The following SNAPC4 variants were observed in gnomAD, a reference collection of about 807,000 sequenced individuals.
SNAPC4 encodes snRNA-activating protein complex subunit 4.
In SNAPC4, 127 loss-of-function variants were observed where a neutral mutation model predicts 151.3. That is an observed-to-expected ratio of 0.84 (90% confidence interval 0.73 to 0.97). The LOEUF is 0.97. Among genes scored for constraint, SNAPC4 ranks in the 50% least tolerant of loss-of-function variants. The pLI is 0.00. For missense variants in SNAPC4, 2,186 were observed against 1,935.0 expected (o/e 1.13, Z -2.43); for synonymous variants, 1,002 against 824.4 (o/e 1.22, Z -3.69).
At chr9:136,380,931 G>A in intron 19 of SNAPC4, 81 bp from the exon 20 acceptor site, 1 of 823,948 alleles carries the variant, frequency 1.2e-6, no homozygotes, top group South Asian at 1.5e-5. Context: ...CAGAACCTGG[G>A]GCAGCCCTGA....
intron 13 of SNAPC4, 119 bp from the exon 14 acceptor site, chr9:136,384,933 A>G (rs1478798388): frequency 1.8e-6 from 1 of 559,442 alleles, no homozygotes; most frequent in African/African-American, 1.9e-5. Context: ...ACAAAAGAAA[A>G]CTACAGATAA....
In SNAPC4 at chr9:136,383,729, C is replaced by T; in HGVS notation, c.1501-61G>A. On this transcript the variant is annotated intron_variant, in intron 15 of 23. Coordinates refer to ENST00000684778, the MANE Select transcript of SNAPC4 (RefSeq NM_003086.4). This position sits in a 1 kb window ranked among gnomAD's most constrained non-coding sequence, Gnocchi z 4.2. ...AAGCCCGGTTCACCCATGATGGCAG[C>T]AAGCAGGCCAGCCCTTTGGGGAGAG... is the stretch of plus-strand genomic sequence containing the variant. The T allele has an allele frequency of 6.4e-7, 1 of 1,553,988 alleles. No homozygotes were observed. Among genetic ancestry groups the T allele is most frequent in the South Asian group, 1.2e-5 (1 of 81,644 alleles).
chr9:136,395,452 C>T (rs11145873), intron 4 of SNAPC4, 29 bp from the exon 5 acceptor site: 2 of 1,605,868 alleles, frequency 1.2e-6, no homozygotes, highest in South Asian at 1.1e-5. Flanking sequence ...AGGGACCCCT[C>T]TATGGACCAG....
chr9:136,396,854 C>A lies in SNAPC4; in HGVS notation c.177+123G>T. On this transcript the variant is annotated intron_variant, in intron 3 of 23. Transcript: ENST00000684778. Reference sequence around the variant, plus strand: ...TGCTTTTTAATTTTTTTATAACAAACGTGAATCATTTTTATAATGCAGAAA... The same window carrying A: ...TGCTTTTTAATTTTTTTATAACAAAAGTGAATCATTTTTATAATGCAGAAA... The A allele has an allele frequency of 1.4e-5, 11 of 782,762 alleles. No individual in the cohort carries two copies. The South Asian group carries it at 1.6e-4, about 11-fold the overall frequency. 48.5% of individuals were successfully genotyped at this position (782,762 alleles called of 1,614,324 possible).
At chr9:136,396,391 G>A (rs939471457) in intron 3 of SNAPC4, among the ~76,000 whole-genome samples, 13 of 152,368 alleles carry the variant, frequency 8.5e-5, no homozygotes, top group South Asian at 2.1e-4. Flanking sequence ...TCACAGAGCA[G>A]TTGCCAGGTG....
At chr9:136,392,813 C>T (rs993979291) in intron 7 of SNAPC4, 36 bp from the exon 8 acceptor site, 6 of 1,572,678 alleles carry the variant, frequency 3.8e-6, no homozygotes, top group African/African-American at 1.3e-5. Flanking sequence ...GGCTGGGGCA[C>T]GAGGGCTGCG....
At chr9:136,387,038 C>T (rs749426787) in intron 13 of SNAPC4, among the ~76,000 whole-genome samples, 1 of 152,238 alleles carries the variant, frequency 6.6e-6, no homozygotes, top group African/African-American at 2.4e-5. Flanking sequence ...AGCCACTGCG[C>T]CCAGCTTCGG....
chr9:136,394,757 G>T, intron 6 of SNAPC4, 43 bp downstream of exon 6: 1 of 1,568,632 alleles, frequency 6.4e-7, no homozygotes, highest in Non-Finnish European at 8.8e-7. Context: ...ATGGGGAGGT[G>T]TCCCAAGCTC....
chr9:136,381,776 C>A (rs1363099356), intron 18 of SNAPC4, 48 bp downstream of exon 18: 1 of 1,577,460 alleles, frequency 6.3e-7, no homozygotes, highest in South Asian at 1.2e-5. Context: ...TACTCTTCAT[C>A]CTCACCCCTC....
intron 7 of SNAPC4, 75 bp from the exon 8 acceptor site, chr9:136,392,852 G>T (rs1166545801): frequency 2.5e-6 from 3 of 1,194,088 alleles, no homozygotes; most frequent in East Asian, 2.4e-5. Flanking sequence ...GCACATTACA[G>T]GGCAAGGAGT....
chr9:136,382,045 G>A lies in SNAPC4; in HGVS notation c.2096C>T (p.Pro699Leu). ...AGAGCTGACCCCTGGGGATGAGGTG[G>A]GCAGGGGTGGCTGCCTCAGCTGCTC... is the stretch of plus-strand genomic sequence containing the variant. Reference protein sequence around the residue: ...QKEQLRQPPLPTSSPGVSSGD... With the variant: ...QKEQLRQPPLLTSSPGVSSGD... The change falls in exon 18 of 24, where the codon CCC becomes CTC. Residue 699 changes from proline (P) to leucine (L), a missense_variant. Pro to Leu is a moderately conservative substitution (Grantham distance 98). Transcript: ENST00000684778. 1 of 1,598,336 alleles carries A rather than the reference G, an allele frequency of 6.3e-7. No homozygotes were observed. Among genetic ancestry groups the A allele is most frequent in the Non-Finnish European group, 8.5e-7 (1 of 1,173,192 alleles).
rs368475038 is a variant in SNAPC4 at position 136,377,878 on chromosome 9, G to A, written c.3949C>T (p.Leu1317Phe). ...ALCSLRALSG[L>F]LLHKKALEHK... Reference sequence around the variant, plus strand: ...TCCAGGGCCTTCTTGTGGAGTAGGAGACCGGACAGAGCTCGCAGGCTGCAC... The same window carrying A: ...TCCAGGGCCTTCTTGTGGAGTAGGAAACCGGACAGAGCTCGCAGGCTGCAC... The change falls in exon 22 of 24, where the codon CTC (leucine) becomes TTC (phenylalanine). Residue 1317 changes from leucine (L) to phenylalanine (F), a missense_variant. Coordinates refer to ENST00000684778, the MANE Select transcript of SNAPC4 (RefSeq NM_003086.4). The A allele has an allele frequency of 1.2e-6, 2 of 1,611,494 alleles. No individual in the cohort carries two copies. Among genetic ancestry groups the A allele is most frequent in the Non-Finnish European group, 8.5e-7 (1 of 1,179,820 alleles).
In SNAPC4 at chr9:136,376,466, C is replaced by T. The variant is rs143073169; in HGVS notation, c.4300G>A (p.Gly1434Ser). The T allele has an allele frequency of 1.2e-6, 2 of 1,613,142 alleles. No homozygotes were observed. The highest frequency in any genetic ancestry group is 2.7e-5 in the African/African-American group (2 of 74,930). Residue 1434 changes from glycine (G) to serine (S), a missense_variant, in exon 23 of 24, where the codon GGT becomes AGT. Physicochemically the swap from Gly to Ser is moderately conservative, Grantham distance 56. Coordinates refer to ENST00000684778, the MANE Select transcript of SNAPC4 (RefSeq NM_003086.4). ...TCPIQGAPDS[G>S]KCSASSCLDT... ...AGGCAGGAGGAAGCAGAGCATTTAC[C>T]AGAGTCTGGGGCTCCCTGAAAGAAA...
At position 136,388,493 on chromosome 9, in the gene SNAPC4, C is replaced by T. The variant is rs780986457; in HGVS notation, c.1074G>A (p.Thr358=). The T allele has an allele frequency of 1.3e-5, 21 of 1,612,496 alleles. No individual in the cohort carries two copies. The South Asian group carries it at 1.3e-4, about 10-fold the overall frequency. ...CGACGCGCATCTCCTGCACCAGCTG[C>T]GTGAGCATGCGGTCCTCCTCCTCTG... The part of the protein sequence containing the change: ...EWTEEEDRML[T]QLVQEMRVGS... The change falls in exon 11 of 24, where the codon ACG becomes ACA. Residue 358 remains threonine, a synonymous_variant. Coordinates refer to ENST00000684778, the MANE Select transcript of SNAPC4 (RefSeq NM_003086.4).
chr9:136,383,496 GCT>G lies in SNAPC4; in HGVS notation c.1671_1672del (p.Arg557SerfsTer152), dbSNP rs754965792. ...GACCATGTACTGTGGGGACAGCAGC[GCT>G]CTGTCACCCTCCCCGGCCTGCGCCT... On this transcript the variant is annotated frameshift_variant, in exon 16 of 24. Transcript: ENST00000684778. LOFTEE classifies it high-confidence loss of function. This position sits in a 1 kb window ranked among gnomAD's most constrained non-coding sequence, Gnocchi z 4.2. 1.3e-6 allele frequency: 2 copies of G among 1,573,440 alleles called. No individual in the cohort carries two copies. Among genetic ancestry groups the G allele is most frequent in the Non-Finnish European group, 8.6e-7 (1 of 1,159,914 alleles).
chr9:136,380,929 G>GT, intron 19 of SNAPC4, 79 bp from the exon 20 acceptor site: 1 of 833,880 alleles, frequency 1.2e-6, no homozygotes, highest in South Asian at 1.5e-5. Flanking sequence ...GGCAGAACCT[G>GT]GGGCAGCCCT....
intron 1 of SNAPC4, 163 bp from the exon 2 acceptor site, chr9:136,398,600 C>G: frequency 1.3e-6 from 1 of 749,368 alleles, no homozygotes; most frequent in South Asian, 1.8e-5. Flanking sequence ...ATCGGGGAAC[C>G]CTGGGACAGG....
Position 136,394,292 on chromosome 9 carries a change from C to T in SNAPC4, c.589G>A (p.Val197Met). The T allele has an allele frequency of 6.2e-7, 1 of 1,613,994 alleles. No homozygotes were observed. The highest frequency in any genetic ancestry group is 1.7e-5 in the Admixed American group (1 of 60,032). The change falls in exon 7 of 24, where the codon GTG becomes ATG. Residue 197 changes from valine (V) to methionine (M), a missense_variant. Transcript: ENST00000684778. ...AGCAATCGCTGCAGGCGGTCACTCA[C>T]CACTGACTTTCGGAGCAAGGCCTTT... ...WEKALLRKSVVSDRLQRLLQP... is the reference protein window; with the variant it reads ...WEKALLRKSVMSDRLQRLLQP...
intron 2 of SNAPC4, among the ~76,000 whole-genome samples, chr9:136,397,937 A>G (rs561244006): frequency 6.6e-6 from 1 of 152,206 alleles, no homozygotes; most frequent in Admixed American, 6.5e-5. Flanking sequence ...CCTAGAGCCC[A>G]GTGTACACAC....
Sources: gnomAD v4.1 joint callset for allele counts (sites outside exome capture counted in the v4.1 genomes callset) on GRCh38, gnomAD v4.1.1 for gene constraint, Gnocchi (gnomAD v3.1) non-coding constraint, MANE v1.5 for transcripts, NCBI Gene and HGNC (gene_info 2026-07-23, HGNC 2026-07-21) for gene names.